The following PDE9A variants were observed in gnomAD, a reference collection of about 807,000 sequenced individuals.
PDE9A encodes phosphodiesterase 9A, also known as high affinity cGMP-specific 3',5'-cyclic phosphodiesterase 9A.
PDE9A carries 60 observed loss-of-function variants against 87.4 expected under a neutral mutation model. The observed-to-expected ratio is 0.69, with a 90% CI of 0.56 to 0.85. The LOEUF (loss-of-function observed/expected upper bound fraction) is 0.85, where lower values mean the gene tolerates loss of function less well. Ranked by LOEUF, PDE9A falls within the 40% of genes least tolerant of loss-of-function variation. PDE9A has a pLI of 0.00. For missense variants in PDE9A, 665 were observed against 779.0 expected (o/e 0.85, Z 1.74); for synonymous variants, 272 against 279.4 (o/e 0.97, Z 0.27).
intron 2 of PDE9A, among the ~76,000 whole-genome samples, chr21:42,687,527 G>A (rs1206999055): frequency 6.6e-6 from 1 of 152,156 alleles, no homozygotes; most frequent in African/African-American, 2.4e-5. Flanking sequence ...GGAGAGACTT[G>A]CGCAGTTCAG....
At chr21:42,736,165 T>C (rs1036455403) in intron 7 of PDE9A, among the ~76,000 whole-genome samples, 13 of 152,100 alleles carry the variant, frequency 8.5e-5, no homozygotes, top group Admixed American at 8.5e-4. Context: ...GCTCCCCCCA[T>C]GCTCTTCCCG....
intron 15 of PDE9A, among the ~76,000 whole-genome samples, chr21:42,766,852 C>T (rs2056453344): frequency 6.6e-6 from 1 of 152,142 alleles, no homozygotes; most frequent in Non-Finnish European, 1.5e-5. Flanking sequence ...CGATGCCTTC[C>T]TCCTCTGAGG....
chr21:42,676,013 T>C (rs1023068883), intron 1 of PDE9A, among the ~76,000 whole-genome samples: 7 of 152,150 alleles, frequency 4.6e-5, no homozygotes, highest in African/African-American at 1.7e-4. Context: ...TCTGGTTGTT[T>C]ATGTGTGAAG....
intron 4 of PDE9A, among the ~76,000 whole-genome samples, chr21:42,726,969 A>C (rs1399593654): frequency 6.6e-6 from 1 of 151,568 alleles, no homozygotes; most frequent in Non-Finnish European, 1.5e-5. Context: ...CATAAGTCTC[A>C]AAAATAAGAT....
At chr21:42,772,245 C>A (rs1019099148) in intron 18 of PDE9A, among the ~76,000 whole-genome samples, 194 bp from the exon 19 acceptor site, 1 of 152,204 alleles carries the variant, frequency 6.6e-6, no homozygotes, top group Non-Finnish European at 1.5e-5. Flanking sequence ...GATGAGGCAC[C>A]AAGGGTAGCG....
intron 3 of PDE9A, among the ~76,000 whole-genome samples, chr21:42,688,719 G>A (rs979714774): frequency 2.6e-5 from 4 of 152,234 alleles, no homozygotes; most frequent in African/African-American, 7.2e-5. Context: ...CCTCTCTGGC[G>A]TCCTCTGTTC....
Position 42,694,313 on chromosome 21 carries a change from G to T in PDE9A, c.219-4655G>T, listed in dbSNP as rs907323183. 6.6e-6 allele frequency among the ~76,000 whole-genome samples: 1 copy of T among 152,178 alleles called. No homozygotes were observed. Among genetic ancestry groups the T allele is most frequent in the Non-Finnish European group, 1.5e-5 (1 of 68,036 alleles). ...CACCTCACTGTCCCCCCAGCCTCAG[G>T]CCCAGGAACCATGTCTTTGGAGGAG... On this transcript the variant is annotated intron_variant, in intron 3 of 19. Transcript: ENST00000291539. The surrounding 1 kb of genome is among the most constrained non-coding windows in gnomAD (Gnocchi z 5.3).
At chr21:42,670,651 T>TCA (rs960249767) in intron 1 of PDE9A, among the ~76,000 whole-genome samples, 6 of 146,024 alleles carry the variant, frequency 4.1e-5, no homozygotes, top group African/African-American at 1.6e-4. Context: ...AAACTATCAT[T>TCA]CACACACATA....
intron 1 of PDE9A, among the ~76,000 whole-genome samples, chr21:42,674,149 C>A (rs2058708440): frequency 6.6e-6 from 1 of 152,146 alleles, no homozygotes; most frequent in Non-Finnish European, 1.5e-5. Context: ...CCCCTGCTAG[C>A]GTGGTCTGAG....
At chr21:42,715,788 C>T (rs1053697936) in intron 4 of PDE9A, among the ~76,000 whole-genome samples, 1 of 151,670 alleles carries the variant, frequency 6.6e-6, no homozygotes, top group Non-Finnish European at 1.5e-5. Context: ...CAGTCTCAGA[C>T]AGAATCGGTT....
rs1435403833 is a variant in PDE9A, at chr21:42,759,541, TGA to T, written c.897+458_897+459del. Reference sequence around the variant, plus strand: ...AAATGTGTGGGAGCGTGTGTGTGTGTGAGTGTGGGGTGTGGGTGTGAGCATGG... The same window carrying T: ...AAATGTGTGGGAGCGTGTGTGTGTGTGTGTGGGGTGTGGGTGTGAGCATGG... On this transcript the variant is annotated intron_variant, in intron 11 of 19. Coordinates refer to ENST00000291539, the MANE Select transcript of PDE9A (RefSeq NM_002606.3). This position sits in a 1 kb window ranked among gnomAD's most constrained non-coding sequence, Gnocchi z 7.2. 6.7e-6 allele frequency among the ~76,000 whole-genome samples: 1 copy of T among 149,376 alleles called. No individual in the cohort carries two copies. Among genetic ancestry groups the T allele is most frequent in the Non-Finnish European group, 1.5e-5 (1 of 67,386 alleles).
intron 3 of PDE9A, chr21:42,697,288 G>A: frequency 1.5e-6 from 1 of 671,504 alleles, no homozygotes. Context: ...CACATTATTG[G>A]TGTTTAAAAT....
intron 1 of PDE9A, among the ~76,000 whole-genome samples, chr21:42,667,562 A>G (rs993078530): frequency 9.2e-5 from 14 of 152,144 alleles, no homozygotes; most frequent in African/African-American, 3.4e-4. Context: ...ATGAACCAGG[A>G]AGAATGAAAG....
At chr21:42,684,240 C>A (rs1164404804) in intron 1 of PDE9A, among the ~76,000 whole-genome samples, 1 of 152,232 alleles carries the variant, frequency 6.6e-6, no homozygotes, top group African/African-American at 2.4e-5. Flanking sequence ...AAAGAAAGAG[C>A]CCTCCTTGCC....
intron 1 of PDE9A, among the ~76,000 whole-genome samples, chr21:42,670,324 ATTC>A (rs1487803952): frequency 2.6e-5 from 2 of 75,674 alleles, no homozygotes; most frequent in Non-Finnish European, 4.8e-5. Flanking sequence ...CCACACTCAC[ATTC>A]ACACACATTC....
chr21:42,673,621 G>C (rs2058680791), intron 1 of PDE9A, among the ~76,000 whole-genome samples: 1 of 152,248 alleles, frequency 6.6e-6, no homozygotes, highest in East Asian at 1.9e-4. Flanking sequence ...GCACCAAGGA[G>C]AGAATTAATG....
chr21:42,753,161 C>T lies in PDE9A; in HGVS notation c.736-829C>T, dbSNP rs533100782. 2.0e-5 allele frequency among the ~76,000 whole-genome samples: 3 copies of T among 152,286 alleles called. No homozygotes were observed. The East Asian group carries it at 5.8e-4, about 29-fold the overall frequency. ...AGCTGGGATTACAGGCACCTGCCAT[C>T]ATGCCTGGCTAATTTTTGTATTTTT... On this transcript the variant is annotated intron_variant, in intron 9 of 19. Coordinates refer to ENST00000291539, the MANE Select transcript of PDE9A (RefSeq NM_002606.3).
chr21:42,731,945 T>C lies in PDE9A; in HGVS notation c.438T>C (p.Pro146=), dbSNP rs143056226. 16 of 1,613,438 alleles carry C rather than the reference T, an allele frequency of 9.9e-6. No homozygotes were observed. The African/African-American group carries it at 2.0e-4, about 20-fold the overall frequency. Residue 146 remains proline, a synonymous_variant, in exon 5 of 20, where the codon CCT becomes CCC. Transcript: ENST00000291539. ...QGCYQEGQRI[P]PEREELIQSV... ...GCTACCAGGAAGGCCAGCGCATCCC[T>C]CCAGGTAACGGGCAGCTCCTCGGCC...
chr21:42,743,894 C>G, intron 8 of PDE9A, 34 bp downstream of exon 8: 1 of 1,312,234 alleles, frequency 7.6e-7, no homozygotes, highest in Non-Finnish European at 1.1e-6. Flanking sequence ...GGCGGCCGGG[C>G]CTGGGGAGGG....
Sources: allele counts gnomAD v4.1 joint callset (sites outside exome capture counted in the v4.1 genomes callset), GRCh38; gene constraint gnomAD v4.1.1; non-coding constraint Gnocchi (gnomAD v3.1); transcripts MANE v1.5; gene names NCBI Gene and HGNC (gene_info 2026-07-23, HGNC 2026-07-21).